Variants in HSPG2 observed in about 807,000 individuals in gnomAD.
The protein encoded by HSPG2 is basement membrane-specific heparan sulfate proteoglycan core protein.
Under a neutral mutation model 526.6 loss-of-function variants are expected in HSPG2, and 278 were observed. That is an observed-to-expected ratio of 0.53 (90% CI 0.48 to 0.58). The LOEUF (loss-of-function observed/expected upper bound fraction) is 0.58. Among genes scored for constraint, HSPG2 ranks in the 20% least tolerant of loss-of-function variants. The pLI is 0.00. For synonymous variants in HSPG2, 2,465 were observed against 2,555.4 expected, an observed-to-expected ratio of 0.96 and a Z score of 1.07; for missense variants, 5,354 against 6,099.5, an observed-to-expected ratio of 0.88 and a Z score of 4.07.
At chr1:21,899,158 G>A (rs1642953268) in intron 1 of HSPG2, among the ~76,000 whole-genome samples, 1 of 152,168 alleles carries the variant, frequency 6.6e-6, no homozygotes, top group African/African-American at 2.4e-5. Flanking sequence ...TAGGGTCTGA[G>A]GATCCAGGGT....
chr1:21,868,504 A>G (rs1014155598), intron 33 of HSPG2, among the ~76,000 whole-genome samples: 1 of 152,208 alleles, frequency 6.6e-6, no homozygotes, highest in Admixed American at 6.5e-5. Context: ...GCCAGGGCCC[A>G]CTCGGCCTGT....
In HSPG2 at chr1:21,857,193, G is replaced by A. The variant is rs867392419; in HGVS notation, c.5397C>T (p.Ser1799=). 6.2e-7 allele frequency: 1 copy of A among 1,614,018 alleles called. No individual in the cohort carries two copies. Among genetic ancestry groups the A allele is most frequent in the African/African-American group, 1.3e-5 (1 of 74,912 alleles). Reference sequence around the variant, plus strand: ...GGGTCCACACCAGGGTATAGGCTGGGGACTGCAGGGCAAGGCGAAAGGGGG... The same window carrying A: ...GGGTCCACACCAGGGTATAGGCTGGAGACTGCAGGGCAAGGCGAAAGGGGG... ...VTFICTAKSK[S]PAYTLVWTRL... Residue 1799 remains serine (S), a splice_region_variant and synonymous_variant, in exon 44 of 97, where the codon TCC becomes TCT. Transcript: ENST00000374695.
At chr1:21,891,898 C>G (rs1273997791) in intron 3 of HSPG2, among the ~76,000 whole-genome samples, 1 of 152,106 alleles carries the variant, frequency 6.6e-6, no homozygotes, top group African/African-American at 2.4e-5. Flanking sequence ...TCTTAAGCAC[C>G]GACTATATAT....
rs565589646 is a variant in HSPG2, at chr1:21,839,956, C to A, written c.9575G>T (p.Gly3192Val). 1.2e-6 allele frequency: 2 copies of A among 1,614,002 alleles called. No individual in the cohort carries two copies. The highest frequency in any genetic ancestry group is 1.7e-6 in the Non-Finnish European group (2 of 1,180,044). The change falls in exon 72 of 97, where the codon GGC becomes GTC. Residue 3192 changes from glycine to valine, a missense_variant. Gly to Val is a moderately radical substitution (Grantham distance 109). Transcript: ENST00000374695. The surrounding 1 kb of genome is among the most constrained non-coding windows in gnomAD (Gnocchi z 4.5). ...TYVCLAQNAL[G>V]TAQKQVEVIV... ...CACCTCCACCTGCTTCTGTGCTGTG[C>A]CTAGTGCATTCTGAGCAAGGCACAC... is the stretch of plus-strand genomic sequence containing the variant.
chr1:21,905,166 C>CA (rs1643304587), intron 1 of HSPG2, among the ~76,000 whole-genome samples: 3 of 107,514 alleles, frequency 2.8e-5, no homozygotes, highest in African/African-American at 8.3e-5. Context: ...ACACCCACCA[C>CA]CCACCCACAC....
intron 69 of HSPG2, 152 bp downstream of exon 69, chr1:21,841,850 C>T (rs905036394): frequency 2.4e-4 from 305 of 1,289,508 alleles, no homozygotes; most frequent in Middle Eastern, 5.2e-4. Flanking sequence ...CTGGGTCCAG[C>T]GCTCTTGCCA....
chr1:21,884,537 C>T lies in HSPG2; in HGVS notation c.1645G>A (p.Asp549Asn). 1 of 1,611,226 alleles carries T rather than the reference C, an allele frequency of 6.2e-7. No individual in the cohort carries two copies. The highest frequency in any genetic ancestry group is 8.5e-7 in the Non-Finnish European group (1 of 1,179,912). ...QIRLRFDQPD[D>N]FKGVNVTMPA... ...CCGCCCGCCAACGCACCCTTGAAGTCATCGGGTTGGTCAAAGCGCAGCCTG... is the reference window on the plus strand; with the variant it reads ...CCGCCCGCCAACGCACCCTTGAAGTTATCGGGTTGGTCAAAGCGCAGCCTG... The change falls in exon 13 of 97, where the codon GAC (aspartate) becomes AAC (asparagine). Residue 549 changes from aspartate to asparagine, a missense_variant. Asp to Asn is a conservative substitution (Grantham distance 23, BLOSUM62 1). Transcript: ENST00000374695.
At chr1:21,826,874 C>A (rs1326366241) in intron 91 of HSPG2, among the ~76,000 whole-genome samples, 2 of 152,114 alleles carry the variant, frequency 1.3e-5, no homozygotes, top group Non-Finnish European at 2.9e-5. Context: ...TTGTTCTAGG[C>A]ATTTAAAATG....
intron 1 of HSPG2, among the ~76,000 whole-genome samples, chr1:21,931,506 G>A (rs1001242208): frequency 6.6e-6 from 1 of 152,200 alleles, no homozygotes; most frequent in Non-Finnish European, 1.5e-5. Context: ...CTGGGACAGG[G>A]AGAGGTAGGC....
intron 75 of HSPG2, 99 bp downstream of exon 75, chr1:21,836,703 G>C: frequency 1.0e-6 from 1 of 999,732 alleles, no homozygotes; most frequent in Non-Finnish European, 1.5e-6. Flanking sequence ...CAAGGACAGT[G>C]CTTCATGTTG....
At chr1:21,861,891 T>A in intron 38 of HSPG2, 48 bp from the exon 39 acceptor site, 6 of 1,613,448 alleles carry the variant, frequency 3.7e-6, no homozygotes, top group Non-Finnish European at 5.1e-6. Context: ...CCAATCTCCA[T>A]CTTGCTCCCT....
intron 1 of HSPG2, among the ~76,000 whole-genome samples, chr1:21,930,385 T>C (rs1170898834): frequency 6.6e-6 from 1 of 152,226 alleles, no homozygotes; most frequent in Non-Finnish European, 1.5e-5. Flanking sequence ...CACCACCTGA[T>C]GTATTTCATT....
Position 21,836,911 on chromosome 1 carries a change from T to G in HSPG2, c.10246A>C (p.Ser3416Arg). Residue 3416 changes from serine (S) to arginine (R), a missense_variant, in exon 75 of 97, where the codon AGC becomes CGC. Ser to Arg is a moderately radical substitution (Grantham distance 110, BLOSUM62 -1). Transcript: ENST00000374695. ...PQLETKSIGA[S>R]VEFHCAVPSD... Reference sequence around the variant, plus strand: ...GGCACAGCACAGTGGAACTCAACGCTGGCCCCAATGCTCTTGGTCTCTAGC... The same window carrying G: ...GGCACAGCACAGTGGAACTCAACGCGGGCCCCAATGCTCTTGGTCTCTAGC... 1 of 1,560,928 alleles carries G rather than the reference T, an allele frequency of 6.4e-7. No individual in the cohort carries two copies. The highest frequency in any genetic ancestry group is 8.7e-7 in the Non-Finnish European group (1 of 1,152,268).
At position 21,931,279 on chromosome 1, in the gene HSPG2, C is replaced by T. The variant is rs1054591334; in HGVS notation, c.63+5876G>A. ...CCACCAGGCTGGGCAGTGAGGCCGG[C>T]GGCTCCCCGCGAAGTGAGTTCCACA... On this transcript the variant is annotated intron_variant, in intron 1 of 96. Coordinates refer to ENST00000374695, the MANE Select transcript of HSPG2 (RefSeq NM_005529.7). Among the ~76,000 whole-genome samples, 3 of 152,236 alleles carry T rather than the reference C, an allele frequency of 2.0e-5. 1 individual carries two copies. Among genetic ancestry groups the T allele is most frequent in the Admixed American group, 2.0e-4 (3 of 15,284 alleles).
intron 17 of HSPG2, among the ~76,000 whole-genome samples, chr1:21,879,394 C>G (rs1641333869): frequency 6.6e-6 from 1 of 152,226 alleles, no homozygotes; most frequent in Admixed American, 6.5e-5. Context: ...GTTCTGCTCT[C>G]CAGAGTCTGT....
Position 21,851,864 on chromosome 1 carries a change from G to A in HSPG2, c.6933C>T (p.Cys2311=), listed in dbSNP as rs1414526435. 2 of 1,613,030 alleles carry A rather than the reference G, an allele frequency of 1.2e-6. No individual in the cohort carries two copies. Among genetic ancestry groups the A allele is most frequent in the Non-Finnish European group, 1.7e-6 (2 of 1,179,812 alleles). ...AGGCCTCCATGCCGTTGCTGGCCCG[G>A]CAGACGTACTGTCCCGCATCGGCAG... ...ASPADAGQYV[C]RASNGMEASI... The change falls in exon 54 of 97, where the codon TGC becomes TGT. Residue 2311 remains cysteine, a synonymous_variant. Transcript: ENST00000374695.
intron 42 of HSPG2, among the ~76,000 whole-genome samples, chr1:21,857,767 AC>A (rs1377851903): frequency 6.6e-6 from 1 of 151,756 alleles, no homozygotes; most frequent in Non-Finnish European, 1.5e-5. Flanking sequence ...CTCTCCAACC[AC>A]CCTTCCACTT....
chr1:21,919,683 G>A (rs1163551413), intron 1 of HSPG2, among the ~76,000 whole-genome samples: 1 of 152,098 alleles, frequency 6.6e-6, no homozygotes, highest in Non-Finnish European at 1.5e-5. Flanking sequence ...GAGTCACTTG[G>A]AGATCTTGTC....
At chr1:21,840,120 G>T (rs2098042731) in intron 71 of HSPG2, 103 bp from the exon 72 acceptor site, 1 of 892,124 alleles carries the variant, frequency 1.1e-6, no homozygotes, top group Non-Finnish European at 1.9e-6. Flanking sequence ...CCCTGCCTTG[G>T]TATCTATTTA....
Sources: allele counts gnomAD v4.1 joint callset (sites outside exome capture counted in the v4.1 genomes callset), GRCh38; gene constraint gnomAD v4.1.1; non-coding constraint Gnocchi (gnomAD v3.1); transcripts MANE v1.5; gene names NCBI Gene and HGNC (gene_info 2026-07-23, HGNC 2026-07-21).